Variants in ZNF343 observed in about 807,000 individuals in gnomAD.
ZNF343 encodes the protein zinc finger protein 343.
Under a neutral mutation model 13.8 loss-of-function variants are expected in ZNF343, and 11 were observed. The observed-to-expected ratio is 0.80, with a 90% CI of 0.50 to 1.32. The LOEUF (loss-of-function observed/expected upper bound fraction) is 1.32, where lower values mean the gene tolerates loss of function less well. Ranked by LOEUF, ZNF343 falls within the 40% of genes most tolerant of loss-of-function variation. ZNF343 has a pLI of 0.00. For synonymous variants in ZNF343, 248 were observed against 260.0 expected (o/e 0.95, Z 0.44); for missense variants, 658 against 714.2 (o/e 0.92, Z 0.90).
At chr20:2,507,512 C>T (rs1285068298) in intron 1 of ZNF343, among the ~76,000 whole-genome samples, 1 of 152,142 alleles carries the variant, frequency 6.6e-6, no homozygotes, top group African/African-American at 2.4e-5. Context: ...GAGGCAATTC[C>T]AGACACCATG....
intron 1 of ZNF343, among the ~76,000 whole-genome samples, chr20:2,514,493 T>G (rs2085750807): frequency 2.0e-5 from 3 of 152,212 alleles, no homozygotes; most frequent in Admixed American, 2.0e-4. Context: ...GCAATTATAG[T>G]GAATCAAAGC....
chr20:2,496,497 T>G (rs6076211), intron 2 of ZNF343, among the ~76,000 whole-genome samples: 63,735 of 151,746 alleles, frequency 0.42, 13,624 homozygotes, highest in Non-Finnish European at 0.47. Flanking sequence ...GCCATTGGAG[T>G]ATTTGGAGCA....
chr20:2,489,889 C>T (rs772990395), intron 5 of ZNF343, among the ~76,000 whole-genome samples: 7 of 151,938 alleles, frequency 4.6e-5, no homozygotes, highest in African/African-American at 7.3e-5. Flanking sequence ...CTATGGCTCA[C>T]ACCTGCAATC....
At chr20:2,517,023 G>A (rs1236208094) in intron 1 of ZNF343, among the ~76,000 whole-genome samples, 1 of 152,116 alleles carries the variant, frequency 6.6e-6, no homozygotes, top group Non-Finnish European at 1.5e-5. Flanking sequence ...TCATATCTAA[G>A]GTAACTCACT....
chr20:2,499,303 A>C (rs1463517575), intron 2 of ZNF343, among the ~76,000 whole-genome samples: 1 of 139,816 alleles, frequency 7.2e-6, no homozygotes, highest in Non-Finnish European at 1.6e-5. Flanking sequence ...GTCTCTACTA[A>C]AAATACAAAA....
chr20:2,507,961 G>T (rs1350456979), intron 1 of ZNF343, among the ~76,000 whole-genome samples: 4 of 152,056 alleles, frequency 2.6e-5, no homozygotes, highest in African/African-American at 9.7e-5. Flanking sequence ...CAGATGTTTG[G>T]CCCTAACATG....
intron 1 of ZNF343, among the ~76,000 whole-genome samples, chr20:2,522,739 A>C (rs2085787803): frequency 6.6e-6 from 1 of 152,354 alleles, no homozygotes; most frequent in African/African-American, 2.4e-5. Context: ...GCTTGAGCTC[A>C]GGAGCTCGAG....
chr20:2,520,665 AATGGGTCTGGGAAGATC>A (rs1483148278), intron 1 of ZNF343, among the ~76,000 whole-genome samples: 6 of 152,098 alleles, frequency 3.9e-5, no homozygotes, highest in Non-Finnish European at 7.3e-5. Context: ...ATCAGTGGGA[AATGGGTCTGGGAAGATC>A]ATTGGTCAGC....
chr20:2,506,523 T>C (rs957645948), intron 1 of ZNF343, among the ~76,000 whole-genome samples: 2 of 152,064 alleles, frequency 1.3e-5, no homozygotes, highest in South Asian at 2.1e-4. Flanking sequence ...CTATTCACAA[T>C]AGCAAAGACT....
chr20:2,521,499 G>C (rs570495523), intron 1 of ZNF343, among the ~76,000 whole-genome samples: 1 of 152,316 alleles, frequency 6.6e-6, no homozygotes, highest in South Asian at 2.1e-4. Flanking sequence ...GGGAGAAGTA[G>C]GGCCCTCACC....
chr20:2,523,437 G>C (rs539816649), intron 1 of ZNF343, among the ~76,000 whole-genome samples: 1 of 151,102 alleles, frequency 6.6e-6, no homozygotes, highest in Non-Finnish European at 1.5e-5. Flanking sequence ...TTATGGACTC[G>C]CAGGGAATTC....
upstream of ZNF343, among the ~76,000 whole-genome samples, chr20:2,513,837 T>A (rs2085748443): frequency 6.6e-6 from 1 of 152,220 alleles, no homozygotes; most frequent in African/African-American, 2.4e-5. Context: ...GGATGAACCT[T>A]GAAAACATTA....
chr20:2,508,426 C>T lies in ZNF343; in HGVS notation c.-237+455G>A, dbSNP rs138263000. The stretch of plus-strand genomic sequence containing the variant: ...CGGTGATGCAGGACTCAAGACGCTC[C>T]CCAGCCAAAAACCACCCAGGGATGT... On this transcript the variant is annotated intron_variant, in intron 1 of 5. Coordinates refer to ENST00000278772, the MANE Select transcript of ZNF343 (RefSeq NM_024325.6). This position sits in a 1 kb window ranked among gnomAD's most constrained non-coding sequence, Gnocchi z 4.5. 4.4e-4 allele frequency among the ~76,000 whole-genome samples: 67 copies of T among 152,214 alleles called. No individual in the cohort carries two copies. The highest frequency in any genetic ancestry group is 1.5e-3 in the African/African-American group (62 of 41,528).
chr20:2,524,000 C>T (rs562537719), intron 1 of ZNF343, among the ~76,000 whole-genome samples: 9 of 132,410 alleles, frequency 6.8e-5, no homozygotes, highest in East Asian at 2.2e-4. Context: ...AAAAAAAAAT[C>T]GAAGTGTGAT....
Position 2,483,243 on chromosome 20 carries a change from CCT to C in ZNF343, c.1716_1717del (p.Lys575AlafsTer5), listed in dbSNP as rs746023573. The C allele has an allele frequency of 5.0e-5, 80 of 1,608,712 alleles. No individual in the cohort carries two copies. The Admixed American group carries it at 7.3e-4, about 15-fold the overall frequency. Reference sequence around the variant, plus strand: ...CTCCCTACAAACATAATGCTTCTCCCCTGAGTGTGTCCTCTGGTGGACAAGGA... The same window carrying C: ...CTCCCTACAAACATAATGCTTCTCCCGAGTGTGTCCTCTGGTGGACAAGGA... On this transcript the variant is annotated frameshift_variant, in exon 6 of 6. Coordinates refer to ENST00000278772, the MANE Select transcript of ZNF343 (RefSeq NM_024325.6). LOFTEE classifies it low-confidence loss of function (END_TRUNC).
chr20:2,506,786 G>T (rs1294168000), intron 1 of ZNF343, among the ~76,000 whole-genome samples: 1 of 152,052 alleles, frequency 6.6e-6, no homozygotes, highest in African/African-American at 2.4e-5. Context: ...CACACCCCGG[G>T]GCCTGTTGTG....
chr20:2,521,637 C>T (rs1389828360), intron 1 of ZNF343, among the ~76,000 whole-genome samples: 6 of 152,120 alleles, frequency 3.9e-5, no homozygotes, highest in South Asian at 2.1e-4. Context: ...GCTCAGCCTC[C>T]GGAGAGGGAA....
chr20:2,499,622 A>AG (rs2085526906), intron 2 of ZNF343, among the ~76,000 whole-genome samples: 1 of 152,262 alleles, frequency 6.6e-6, no homozygotes, highest in South Asian at 2.1e-4. Context: ...GTAGCACAAC[A>AG]GTGAGATGAG....
intron 1 of ZNF343, among the ~76,000 whole-genome samples, chr20:2,501,751 C>T (rs565628279): frequency 2.0e-5 from 3 of 152,330 alleles, no homozygotes; most frequent in African/African-American, 7.2e-5. Flanking sequence ...AGCTGAAGGT[C>T]CTGACTGTTA....
Sources: gnomAD v4.1 joint callset for allele counts (sites outside exome capture counted in the v4.1 genomes callset) on GRCh38, gnomAD v4.1.1 for gene constraint, Gnocchi (gnomAD v3.1) non-coding constraint, MANE v1.5 for transcripts, NCBI Gene and HGNC (gene_info 2026-07-23, HGNC 2026-07-21) for gene names.